The following NTM variants were observed in gnomAD, a reference collection of about 807,000 sequenced individuals.
NTM encodes the protein IgLON family member 2.
NTM carries 13 observed loss-of-function variants against 42.1 expected under a neutral mutation model. That is an observed-to-expected ratio of 0.31 (90% CI 0.20 to 0.49). The LOEUF (loss-of-function observed/expected upper bound fraction) is 0.49, where lower values mean the gene tolerates loss of function less well. Ranked by LOEUF, NTM falls within the 20% of genes least tolerant of loss-of-function variation. The probability of loss-of-function intolerance (pLI) is 0.99; values close to 1 mark genes in which losing one functional copy is unlikely to be tolerated. For missense variants in NTM, 373 were observed against 452.8 expected, an observed-to-expected ratio of 0.82 and a Z score of 1.60; for synonymous variants, 187 against 179.2, an observed-to-expected ratio of 1.04 and a Z score of -0.35.
At chr11:131,950,796 C>A (rs905682728) in intron 2 of NTM, among the ~76,000 whole-genome samples, 1 of 152,186 alleles carries the variant, frequency 6.6e-6, no homozygotes, top group Admixed American at 6.5e-5. Flanking sequence ...TCTCTATGAA[C>A]CCTTCTCTAA....
At chr11:131,864,535 G>A (rs1427831245) in intron 1 of NTM, among the ~76,000 whole-genome samples, 1 of 152,204 alleles carries the variant, frequency 6.6e-6, no homozygotes, top group Non-Finnish European at 1.5e-5. Flanking sequence ...AAACCCTGGA[G>A]GTTTCCTATT....
At chr11:131,404,302 C>T (rs1945570332) in intron 1 of NTM, among the ~76,000 whole-genome samples, 3 of 152,298 alleles carry the variant, frequency 2.0e-5, no homozygotes, top group South Asian at 2.1e-4. Context: ...AATCTTTAAT[C>T]TACCTCTCAG....
At chr11:132,324,508 C>G (rs1474059085) in intron 7 of NTM, among the ~76,000 whole-genome samples, 1 of 151,548 alleles carries the variant, frequency 6.6e-6, no homozygotes, top group South Asian at 2.1e-4. Flanking sequence ...AACCACTGCT[C>G]AATGAAATCA....
chr11:131,541,894 C>T (rs915412741), intron 1 of NTM, among the ~76,000 whole-genome samples: 1 of 152,152 alleles, frequency 6.6e-6, no homozygotes, highest in African/African-American at 2.4e-5. Flanking sequence ...AAATTTATAT[C>T]CTTTATCCAG....
At chr11:131,945,292 G>A (rs1335813881) in intron 2 of NTM, among the ~76,000 whole-genome samples, 1 of 152,112 alleles carries the variant, frequency 6.6e-6, no homozygotes, top group Non-Finnish European at 1.5e-5. Context: ...GTGCATTCAG[G>A]GGTTTAATTT....
intron 1 of NTM, among the ~76,000 whole-genome samples, chr11:131,655,747 A>G (rs1181385746): frequency 2.6e-5 from 4 of 152,238 alleles, no homozygotes. Context: ...AAATATGCTC[A>G]CTGGAATGAA....
chr11:132,197,760 G>A (rs1345604099), intron 3 of NTM, among the ~76,000 whole-genome samples: 1 of 149,812 alleles, frequency 6.7e-6, no homozygotes, highest in East Asian at 2.0e-4. Context: ...TTGCTTTTTT[G>A]TCCTTGTGAT....
intron 2 of NTM, among the ~76,000 whole-genome samples, chr11:131,990,926 G>A (rs992891633): frequency 3.3e-5 from 5 of 152,082 alleles, no homozygotes; most frequent in Non-Finnish European, 4.4e-5. Flanking sequence ...GCTCTGAACC[G>A]AGTTACCTGA....
rs112272669 is a variant in NTM at position 132,068,012 on chromosome 11, G to C, written c.168-78270G>C. Reference sequence around the variant, plus strand: ...AGGGATTCATATTATTAGACAAAAGGGTCCTCCACAGAATTTCTTAGATAA... The same window carrying C: ...AGGGATTCATATTATTAGACAAAAGCGTCCTCCACAGAATTTCTTAGATAA... On this transcript the variant is annotated intron_variant, in intron 2 of 8. Transcript: ENST00000683400. 8.3e-4 allele frequency among the ~76,000 whole-genome samples: 126 copies of C among 152,120 alleles called. 1 individual carries two copies. The highest frequency in any genetic ancestry group is 2.7e-3 in the African/African-American group (111 of 41,504).
chr11:132,009,031 G>A (rs574581166), intron 2 of NTM, among the ~76,000 whole-genome samples: 2 of 152,214 alleles, frequency 1.3e-5, no homozygotes, highest in African/African-American at 2.4e-5. Flanking sequence ...CCAGATCAGC[G>A]CTGTGGGGAA....
At chr11:132,191,327 C>T (rs2079287091) in intron 3 of NTM, among the ~76,000 whole-genome samples, 1 of 152,154 alleles carries the variant, frequency 6.6e-6, no homozygotes, top group Non-Finnish European at 1.5e-5. Flanking sequence ...CCAGTGCAGC[C>T]AGTGCTCAAC....
At chr11:131,491,919 G>T (rs892704330) in intron 1 of NTM, among the ~76,000 whole-genome samples, 28 of 152,166 alleles carry the variant, frequency 1.8e-4, no homozygotes, top group African/African-American at 5.3e-4. Context: ...TCATTTTCCT[G>T]ATTATTTTGT....
chr11:131,853,844 T>C (rs2045836880), intron 1 of NTM, among the ~76,000 whole-genome samples: 1 of 152,242 alleles, frequency 6.6e-6, no homozygotes, highest in South Asian at 2.1e-4. Flanking sequence ...GCTATACTAC[T>C]CTACACTCCC....
intron 1 of NTM, among the ~76,000 whole-genome samples, chr11:131,678,867 T>C (rs529828525): frequency 2.0e-5 from 3 of 152,246 alleles, no homozygotes; most frequent in Admixed American, 6.5e-5. Flanking sequence ...TGCACATCGG[T>C]GCATGGAGAG....
chr11:131,893,527 C>T (rs1004178478), intron 1 of NTM, among the ~76,000 whole-genome samples: 6 of 152,126 alleles, frequency 3.9e-5, no homozygotes, highest in East Asian at 1.9e-4. Flanking sequence ...AGGGAATAAA[C>T]GAAAGCTGGA....
At chr11:132,137,549 A>G (rs915808250) in intron 2 of NTM, among the ~76,000 whole-genome samples, 2 of 152,216 alleles carry the variant, frequency 1.3e-5, no homozygotes, top group African/African-American at 4.8e-5. Flanking sequence ...CAGGGAAAAG[A>G]TGGCATCCTC....
At chr11:132,187,551 T>C (rs947470132) in intron 3 of NTM, among the ~76,000 whole-genome samples, 1 of 152,188 alleles carries the variant, frequency 6.6e-6, no homozygotes, top group African/African-American at 2.4e-5. Context: ...CTGAGGCTCC[T>C]CTGACAAATT....
chr11:132,101,446 G>A (rs1211912232), intron 2 of NTM, among the ~76,000 whole-genome samples: 5 of 152,114 alleles, frequency 3.3e-5, no homozygotes, highest in Admixed American at 1.3e-4. Context: ...GTTACACAAA[G>A]ACTAGCTACA....
chr11:131,524,609 T>G (rs1204887816), intron 1 of NTM, among the ~76,000 whole-genome samples: 1 of 152,222 alleles, frequency 6.6e-6, no homozygotes, highest in African/African-American at 2.4e-5. Context: ...CTTGAACTGT[T>G]TTCTCCTCTG....
Sources: gnomAD v4.1 joint callset for allele counts (sites outside exome capture counted in the v4.1 genomes callset) on GRCh38, gnomAD v4.1.1 for gene constraint, MANE v1.5 for transcripts, NCBI Gene and HGNC (gene_info 2026-07-23, HGNC 2026-07-21) for gene names.